Variants in FBXL7 observed in about 807,000 individuals in gnomAD.
FBXL7 encodes the protein F-box/LRR-repeat protein 7.
FBXL7 carries 12 observed loss-of-function variants against 38.3 expected under a neutral mutation model. The ratio of observed to expected loss-of-function variants is 0.31; its 90% CI spans 0.20 to 0.51. The LOEUF (loss-of-function observed/expected upper bound fraction) is 0.51, where lower values mean the gene tolerates loss of function less well. FBXL7 is among the 20% of genes least tolerant of loss of function. The probability of loss-of-function intolerance (pLI) is 0.98; values close to 1 mark genes in which losing one functional copy is unlikely to be tolerated. For synonymous variants in FBXL7, 297 were observed against 300.9 expected (o/e 0.99, Z 0.13); for missense variants, 567 against 676.4 (o/e 0.84, Z 1.79).
At chr5:15,574,514 AAAAAT>A (rs1395404443) in intron 1 of FBXL7, among the ~76,000 whole-genome samples, 5 of 152,222 alleles carry the variant, frequency 3.3e-5, no homozygotes, top group African/African-American at 1.2e-4. Context: ...GATTAAGACT[AAAAAT>A]AAACCATTTT....
intron 1 of FBXL7, among the ~76,000 whole-genome samples, chr5:15,564,792 G>C (rs1304160170): frequency 6.6e-6 from 1 of 151,940 alleles, no homozygotes; most frequent in Non-Finnish European, 1.5e-5. Flanking sequence ...ATACAATTTT[G>C]TGCACAATAT....
chr5:15,895,350 TAA>T (rs1399224318), intron 2 of FBXL7, among the ~76,000 whole-genome samples: 1 of 152,202 alleles, frequency 6.6e-6, no homozygotes, highest in Admixed American at 6.5e-5. Flanking sequence ...AAACTTTTTT[TAA>T]TCTAGTTAAT....
intron 2 of FBXL7, among the ~76,000 whole-genome samples, chr5:15,920,457 A>T (rs775296709): frequency 6.6e-6 from 1 of 152,152 alleles, no homozygotes; most frequent in Non-Finnish European, 1.5e-5. Context: ...CTATTGCTGT[A>T]TATTCCTTGC....
chr5:15,598,063 T>C (rs1739677928), intron 1 of FBXL7, among the ~76,000 whole-genome samples: 1 of 152,142 alleles, frequency 6.6e-6, no homozygotes, highest in Admixed American at 6.5e-5. Context: ...AAAAGGGCTG[T>C]AAATGCAAAA....
chr5:15,938,797 A>G lies in FBXL7; in HGVS notation c.*1611A>G, dbSNP rs1326915046. Reference sequence around the variant, plus strand: ...AAGTCTATATTCTAGCCTCATTTGCATGAAGTCAGATAGCCAGAAGAAATT... The same window carrying G: ...AAGTCTATATTCTAGCCTCATTTGCGTGAAGTCAGATAGCCAGAAGAAATT... On this transcript the variant is annotated 3_prime_UTR_variant, in exon 4 of 4. Transcript: ENST00000504595. 2 of 393,952 alleles carry G rather than the reference A, an allele frequency of 5.1e-6. No homozygotes were observed. The highest frequency in any genetic ancestry group is 8.9e-6 in the Non-Finnish European group (2 of 223,696). 24.4% of individuals were successfully genotyped at this position (393,952 alleles called of 1,614,324 possible). A position where few individuals can be genotyped will look rare whatever the true frequency, so the allele number is the denominator to read the frequency against.
In FBXL7 at chr5:15,652,797, G is replaced by T. The variant is rs558209972; in HGVS notation, c.127+36725G>T. Among the ~76,000 whole-genome samples the T allele has an allele frequency of 8.1e-4, 123 of 152,318 alleles. No homozygotes were observed. In the Middle Eastern group the frequency reaches 0.02, roughly 25 times the overall value. On this transcript the variant is annotated intron_variant, in intron 2 of 3. Coordinates refer to ENST00000504595, the MANE Select transcript of FBXL7 (RefSeq NM_012304.5). ...AGCAATCAGAACACACACATTTATT[G>T]ATTAAGATCTGGTATTTGATAGCCC...
chr5:15,566,864 A>G (rs1372905999), intron 1 of FBXL7, among the ~76,000 whole-genome samples: 2 of 152,108 alleles, frequency 1.3e-5, no homozygotes, highest in East Asian at 3.9e-4. Flanking sequence ...TCACTTTTGA[A>G]ATAAAATGTT....
intron 2 of FBXL7, among the ~76,000 whole-genome samples, chr5:15,919,450 G>A (rs1001328204): frequency 6.6e-6 from 1 of 152,044 alleles, no homozygotes; most frequent in Admixed American, 6.6e-5. Flanking sequence ...CCCAGAAAAA[G>A]ACAGCTATAC....
At chr5:15,517,092 T>C (rs913321078) in intron 1 of FBXL7, among the ~76,000 whole-genome samples, 4 of 151,910 alleles carry the variant, frequency 2.6e-5, no homozygotes, top group African/African-American at 9.7e-5. Context: ...AGTGGCGGGA[T>C]CTCGGCTCAC....
intron 1 of FBXL7, among the ~76,000 whole-genome samples, chr5:15,570,369 T>G (rs1166585691): frequency 2.0e-5 from 3 of 152,244 alleles, no homozygotes; most frequent in Non-Finnish European, 2.9e-5. Context: ...TTTTCTAGTT[T>G]ATTTGCATAG....
intron 2 of FBXL7, among the ~76,000 whole-genome samples, chr5:15,882,604 G>A (rs928642978): frequency 1.5e-4 from 23 of 152,224 alleles, no homozygotes; most frequent in African/African-American, 5.5e-4. Context: ...GAAGTCACTA[G>A]TCAGAAACAG....
intron 1 of FBXL7, among the ~76,000 whole-genome samples, chr5:15,537,679 C>T (rs1463310068): frequency 1.3e-5 from 2 of 152,206 alleles, no homozygotes; most frequent in Non-Finnish European, 2.9e-5. Context: ...TATTCCCTAG[C>T]TATAAATCTC....
intron 2 of FBXL7, among the ~76,000 whole-genome samples, chr5:15,772,336 G>T (rs1300629291): frequency 6.6e-6 from 1 of 152,178 alleles, no homozygotes; most frequent in Non-Finnish European, 1.5e-5. Context: ...TGATGTGTCA[G>T]CAAGAAAGGT....
At chr5:15,793,184 T>C (rs1038559175) in intron 2 of FBXL7, among the ~76,000 whole-genome samples, 6 of 152,112 alleles carry the variant, frequency 3.9e-5, no homozygotes, top group Non-Finnish European at 8.8e-5. Flanking sequence ...GGAAGTGTCT[T>C]CCTCTCCTAG....
chr5:15,572,385 GC>G (rs1442903741), intron 1 of FBXL7, among the ~76,000 whole-genome samples: 7 of 112,060 alleles, frequency 6.2e-5, no homozygotes, highest in African/African-American at 2.3e-4. Context: ...TCTGGTTTCT[GC>G]TAAAAAAAAA....
intron 2 of FBXL7, among the ~76,000 whole-genome samples, chr5:15,665,151 G>A (rs1046910966): frequency 2.0e-5 from 3 of 152,060 alleles, no homozygotes; most frequent in Non-Finnish European, 4.4e-5. Flanking sequence ...ATTCATGCTT[G>A]CTCCCAGCAG....
At chr5:15,911,634 T>A (rs1741431483) in intron 2 of FBXL7, among the ~76,000 whole-genome samples, 1 of 81,012 alleles carries the variant, frequency 1.2e-5, no homozygotes, top group Admixed American at 1.3e-4. Flanking sequence ...TTCTGTTCTG[T>A]TTTTTCCCCA....
At chr5:15,773,188 C>T (rs951178891) in intron 2 of FBXL7, among the ~76,000 whole-genome samples, 2 of 152,158 alleles carry the variant, frequency 1.3e-5, no homozygotes, top group African/African-American at 4.8e-5. Context: ...CCTGAGCAAA[C>T]AAGCCTGGCT....
chr5:15,821,312 G>T (rs1738163753), intron 2 of FBXL7, among the ~76,000 whole-genome samples: 1 of 152,064 alleles, frequency 6.6e-6, no homozygotes, highest in Admixed American at 6.5e-5. Flanking sequence ...TCTTCCTGTT[G>T]TGAAGATTTC....
Sources: gnomAD v4.1 joint callset for allele counts (sites outside exome capture counted in the v4.1 genomes callset) on GRCh38, gnomAD v4.1.1 for gene constraint, MANE v1.5 for transcripts, NCBI Gene and HGNC (gene_info 2026-07-23, HGNC 2026-07-21) for gene names.